The following CHD2 variants were observed in gnomAD, a reference collection of about 807,000 sequenced individuals.
The protein encoded by CHD2 is ATP-dependent chromatin remodeler CHD2.
CHD2 carries 28 observed loss-of-function variants against 243.9 expected under a neutral mutation model. That is an observed-to-expected ratio of 0.11 (90% CI 0.09 to 0.16). The LOEUF is 0.16. Among genes scored for constraint, CHD2 ranks in the 10% least tolerant of loss-of-function variants. The pLI is 1.00. For missense variants in CHD2, 1,386 were observed against 2,209.8 expected (o/e 0.63, Z 7.47); for synonymous variants, 775 against 779.0 (o/e 0.99, Z 0.09).
At chr15:92,918,369 T>C (rs1567123909) in intron 2 of CHD2, among the ~76,000 whole-genome samples, 2 of 152,238 alleles carry the variant, frequency 1.3e-5, no homozygotes, top group Non-Finnish European at 2.9e-5. Context: ...GTGTGTTGTA[T>C]TTTCCTTTTA....
chr15:92,934,718 A>G (rs1025496954), intron 5 of CHD2, among the ~76,000 whole-genome samples: 1 of 152,236 alleles, frequency 6.6e-6, no homozygotes, highest in African/African-American at 2.4e-5. Context: ...GTGACTTAGT[A>G]TTGCTGGTCC....
intron 16 of CHD2, among the ~76,000 whole-genome samples, chr15:92,957,764 C>T (rs142474797): frequency 1.3e-5 from 2 of 151,184 alleles, no homozygotes; most frequent in East Asian, 3.9e-4. Flanking sequence ...CATCATTGTC[C>T]AGTTTTGGAA....
chr15:92,946,360 A>T (rs1013633462), intron 12 of CHD2, 144 bp downstream of exon 12: 12 of 557,596 alleles, frequency 2.2e-5, no homozygotes, highest in Non-Finnish European at 3.5e-5. Flanking sequence ...ATATGACATT[A>T]AAGCAAAAGG....
chr15:92,926,481 C>G (rs1225225882), intron 3 of CHD2, among the ~76,000 whole-genome samples: 1 of 152,178 alleles, frequency 6.6e-6, no homozygotes, highest in African/African-American at 2.4e-5. Flanking sequence ...ATGTGTGATT[C>G]TGTTAAAAGA....
At chr15:93,006,803 T>C (rs1468088604) in intron 34 of CHD2, among the ~76,000 whole-genome samples, 1 of 152,236 alleles carries the variant, frequency 6.6e-6, no homozygotes, top group Non-Finnish European at 1.5e-5. Flanking sequence ...AAAACTGTAA[T>C]TGGCACTTGT....
chr15:92,904,137 G>C (rs563477357), intron 2 of CHD2, among the ~76,000 whole-genome samples: 5 of 152,354 alleles, frequency 3.3e-5, no homozygotes, highest in African/African-American at 1.2e-4. Flanking sequence ...CAGTTCGATA[G>C]GGCACGCAGC....
chr15:92,937,797 T>G (rs905148158), intron 6 of CHD2, among the ~76,000 whole-genome samples, 172 bp downstream of exon 6: 1 of 152,240 alleles, frequency 6.6e-6, no homozygotes, highest in East Asian at 1.9e-4. Flanking sequence ...TCTTACTGCT[T>G]CTTTCTTCGC....
At chr15:93,013,464 A>G (rs1276577864) in intron 36 of CHD2, among the ~76,000 whole-genome samples, 2 of 152,238 alleles carry the variant, frequency 1.3e-5, no homozygotes, top group Non-Finnish European at 2.9e-5. Context: ...TAACAAAAAC[A>G]GTGGTATCCT....
chr15:93,001,930 T>TA (rs1366747532), intron 32 of CHD2, among the ~76,000 whole-genome samples: 2 of 152,144 alleles, frequency 1.3e-5, no homozygotes, highest in Non-Finnish European at 2.9e-5. Flanking sequence ...ATAATAAACT[T>TA]ACGTTGAAGG....
chr15:92,928,546 A>G (rs755926072), intron 4 of CHD2, among the ~76,000 whole-genome samples: 12 of 152,372 alleles, frequency 7.9e-5, no homozygotes, highest in Middle Eastern at 3.4e-3. Context: ...TTTAAGGCAC[A>G]CTGACTAAAT....
intron 5 of CHD2, among the ~76,000 whole-genome samples, chr15:92,935,242 T>A (rs1190304119): frequency 6.6e-6 from 1 of 152,156 alleles, no homozygotes; most frequent in Non-Finnish European, 1.5e-5. Flanking sequence ...TTCACCACGT[T>A]AGCCAGGATG....
At chr15:92,914,404 AG>A (rs1454236172) in intron 2 of CHD2, among the ~76,000 whole-genome samples, 10 of 152,346 alleles carry the variant, frequency 6.6e-5, no homozygotes, top group African/African-American at 2.4e-4. Flanking sequence ...TACCTTAACC[AG>A]GCTTCTTGCT....
At chr15:93,000,018 G>A (rs1263173435) in intron 31 of CHD2, among the ~76,000 whole-genome samples, 1 of 152,166 alleles carries the variant, frequency 6.6e-6, no homozygotes, top group African/African-American at 2.4e-5. Context: ...CAGCACTTTG[G>A]GAGGCTGAGG....
At chr15:92,937,410 G>A in intron 5 of CHD2, 108 bp from the exon 6 acceptor site, 1 of 706,832 alleles carries the variant, frequency 1.4e-6, no homozygotes, top group Non-Finnish European at 2.4e-6. Context: ...TGTCTAAAAT[G>A]TGCATGTTCT....
At chr15:92,945,728 A>G in intron 10 of CHD2, 93 bp from the exon 11 acceptor site, 1 of 720,160 alleles carries the variant, frequency 1.4e-6, no homozygotes, top group Non-Finnish European at 2.2e-6. Flanking sequence ...GGTGTGAGGT[A>G]GTAGAATATA....
chr15:92,987,354 T>G (rs2054056512), intron 26 of CHD2, among the ~76,000 whole-genome samples: 2 of 152,030 alleles, frequency 1.3e-5, no homozygotes, highest in Non-Finnish European at 2.9e-5. Flanking sequence ...TCCCAGCACT[T>G]TGGGAGGCCA....
chr15:92,980,752 T>C, intron 22 of CHD2, 63 bp from the exon 23 acceptor site: 1 of 1,141,868 alleles, frequency 8.8e-7, no homozygotes, highest in East Asian at 2.4e-5. Flanking sequence ...AGGATAGTTA[T>C]TCTGAAGTAG....
chr15:92,955,761 C>T (rs1367215758), intron 15 of CHD2, among the ~76,000 whole-genome samples: 1 of 152,022 alleles, frequency 6.6e-6, no homozygotes, highest in Non-Finnish European at 1.5e-5. Flanking sequence ...AAAACAGAAC[C>T]CTATAGATGA....
intron 26 of CHD2, among the ~76,000 whole-genome samples, chr15:92,986,844 C>T (rs562952940): frequency 6.6e-6 from 1 of 152,174 alleles, no homozygotes; most frequent in East Asian, 1.9e-4. Context: ...GTGCCTTTTT[C>T]ACTCAGCCTC....
Sources: gnomAD v4.1 joint callset for allele counts (sites outside exome capture counted in the v4.1 genomes callset) on GRCh38, gnomAD v4.1.1 for gene constraint, MANE v1.5 for transcripts, NCBI Gene and HGNC (gene_info 2026-07-23, HGNC 2026-07-21) for gene names.